USP28: variants seen among roughly 807,000 people sequenced by gnomAD.
USP28 encodes the protein ubiquitin carboxyl-terminal hydrolase 28.
USP28 carries 113 observed loss-of-function variants against 145.0 expected under a neutral mutation model. The ratio of observed to expected loss-of-function variants is 0.78; its 90% CI spans 0.67 to 0.91. The LOEUF is 0.91. Ranked by LOEUF, USP28 falls within the 40% of genes least tolerant of loss-of-function variation. USP28 has a pLI of 0.00. For missense variants in USP28, 1,201 were observed against 1,289.6 expected, an observed-to-expected ratio of 0.93 and a Z score of 1.05; for synonymous variants, 447 against 450.9, an observed-to-expected ratio of 0.99 and a Z score of 0.11.
At chr11:113,810,126 A>G (rs1940738940) in intron 16 of USP28, among the ~76,000 whole-genome samples, 1 of 152,060 alleles carries the variant, frequency 6.6e-6, no homozygotes, top group African/African-American at 2.4e-5. Flanking sequence ...GAAAATCATT[A>G]GAGCCAATAA....
chr11:113,829,823 T>C (rs151029991), intron 9 of USP28, among the ~76,000 whole-genome samples: 120 of 31,096 alleles, frequency 3.9e-3, no homozygotes, highest in Non-Finnish European at 5.0e-3. Flanking sequence ...AGGACTTGTC[T>C]CAAAAAAAAA....
In USP28 at chr11:113,799,269, G is replaced by A. The variant is rs933363477; in HGVS notation, c.3205C>T (p.Gln1069Ter). The change falls in exon 25 of 25, where the codon CAG becomes TAG. Residue 1069 changes from glutamine to a stop codon, truncating the protein, a stop_gained. Transcript: ENST00000003302. LOFTEE classifies it high-confidence loss of function. ...TTCACTGTCACAGTTGAAACTCCCT[G>A]AATTGACTCCATGACAGCTGCAAAT... is the stretch of plus-strand genomic sequence containing the variant. The A allele has an allele frequency of 1.2e-6, 2 of 1,613,826 alleles. No homozygotes were observed. Among genetic ancestry groups the A allele is most frequent in the Non-Finnish European group, 1.7e-6 (2 of 1,179,856 alleles).
chr11:113,800,067 G>A (rs1938681204), intron 24 of USP28, among the ~76,000 whole-genome samples: 1 of 150,990 alleles, frequency 6.6e-6, no homozygotes, highest in Non-Finnish European at 1.5e-5. Context: ...GTGCAGTGGC[G>A]CCATCTTTGC....
chr11:113,852,682 A>G (rs755168475), intron 2 of USP28, 49 bp from the exon 3 acceptor site: 18 of 1,604,672 alleles, frequency 1.1e-5, no homozygotes, highest in Non-Finnish European at 1.4e-5. Flanking sequence ...CATAGAATTT[A>G]AAACCAGTTT....
rs114914156 is a variant in USP28, at chr11:113,852,674, T to C, written c.136-41A>G. 5.5e-3 allele frequency: 8,865 copies of C among 1,607,940 alleles called. 48 individuals carry two copies. Among genetic ancestry groups the C allele is most frequent in the African/African-American group, 0.03 (2,202 of 73,662 alleles). On this transcript the variant is annotated intron_variant, in intron 2 of 24. Coordinates refer to ENST00000003302, the Ensembl canonical transcript of USP28. The stretch of plus-strand genomic sequence containing the variant: ...ACAATAGAAATTTCAAAAGTAATCA[T>C]AGAATTTAAAACCAGTTTTGAGTAT...
chr11:113,862,412 C>T (rs1947788276), intron 1 of USP28, among the ~76,000 whole-genome samples: 1 of 152,168 alleles, frequency 6.6e-6, no homozygotes, highest in Admixed American at 6.5e-5. Flanking sequence ...TTCTAAATGT[C>T]AGGAAGAGTT....
intron 5 of USP28, among the ~76,000 whole-genome samples, chr11:113,838,036 A>G (rs1345287859): frequency 2.0e-5 from 3 of 151,070 alleles, no homozygotes; most frequent in Non-Finnish European, 4.4e-5. Flanking sequence ...TCTAATTTGC[A>G]GTTATCATTT....
intron 13 of USP28, among the ~76,000 whole-genome samples, chr11:113,817,414 G>C (rs1490985358): frequency 6.6e-6 from 1 of 152,162 alleles, no homozygotes; most frequent in Non-Finnish European, 1.5e-5. Context: ...GGTGGAGCCT[G>C]AACACTATCC....
chr11:113,799,040 G>T, exon 25 of USP28: 1 of 540,306 alleles, frequency 1.9e-6, no homozygotes, highest in Admixed American at 3.6e-5. Flanking sequence ...GCCTTTTCTA[G>T]TGAAACAGCT....
intron 14 of USP28, among the ~76,000 whole-genome samples, chr11:113,814,515 A>T (rs2135464875): frequency 6.6e-6 from 1 of 152,316 alleles, no homozygotes; most frequent in East Asian, 1.9e-4. Context: ...CTTCCTATAG[A>T]AAAGACTGAA....
chr11:113,803,528 C>T (rs1434482502), intron 22 of USP28, among the ~76,000 whole-genome samples: 2 of 152,204 alleles, frequency 1.3e-5, no homozygotes, highest in African/African-American at 4.8e-5. Flanking sequence ...TCTATGTCAA[C>T]TCAAAAATTC....
At chr11:113,841,556 G>T (rs2513577) in intron 4 of USP28, 107 bp downstream of exon 4, 134,939 of 674,320 alleles carry the variant, frequency 0.2, 13,766 homozygotes, top group Middle Eastern at 0.25. Flanking sequence ...TAAAAGAAAT[G>T]TCATTCAGGT....
At chr11:113,874,401 G>C in intron 1 of USP28, 8 of 997,076 alleles carry the variant, frequency 8.0e-6, no homozygotes, top group Non-Finnish European at 1.0e-5. Context: ...CTCCAGCCTA[G>C]GCAACAGAGG....
intron 1 of USP28, among the ~76,000 whole-genome samples, chr11:113,855,220 T>C (rs2136580588): frequency 6.6e-6 from 1 of 152,330 alleles, no homozygotes; most frequent in South Asian, 2.1e-4. Flanking sequence ...TGGAAAAACC[T>C]AAATTGTTAA....
At chr11:113,870,875 T>C (rs1480559763) in intron 1 of USP28, among the ~76,000 whole-genome samples, 2 of 152,140 alleles carry the variant, frequency 1.3e-5, no homozygotes, top group East Asian at 1.9e-4. Flanking sequence ...AGAAACTTTG[T>C]TCCAAAAGCA....
intron 12 of USP28, among the ~76,000 whole-genome samples, chr11:113,819,134 A>G (rs2135582685): frequency 6.7e-6 from 1 of 149,180 alleles, no homozygotes; most frequent in Non-Finnish European, 1.5e-5. Context: ...TTTTTTTGAG[A>G]CAGAGTCTCA....
intron 12 of USP28, chr11:113,821,999 A>G (rs1221157044): frequency 1.3e-5 from 2 of 152,194 alleles, no homozygotes; most frequent in Admixed American, 6.5e-5. Context: ...ATTTTAAAAC[A>G]AAAGTATTAT....
chr11:113,846,016 T>A (rs940102093), intron 3 of USP28, among the ~76,000 whole-genome samples: 1 of 152,198 alleles, frequency 6.6e-6, no homozygotes, highest in East Asian at 1.9e-4. Context: ...GGAGTATTAC[T>A]CAACCTTAAA....
chr11:113,839,626 C>T (rs1944965590), intron 5 of USP28, among the ~76,000 whole-genome samples: 1 of 152,040 alleles, frequency 6.6e-6, no homozygotes, highest in Non-Finnish European at 1.5e-5. Flanking sequence ...CAGCGGCTCA[C>T]ACCTGAAATC....
Sources: allele counts gnomAD v4.1 joint callset (sites outside exome capture counted in the v4.1 genomes callset), GRCh38; gene constraint gnomAD v4.1.1; transcripts MANE v1.5; gene names NCBI Gene and HGNC (gene_info 2026-07-23, HGNC 2026-07-21).